The following PCED1B variants were observed in gnomAD, a reference collection of about 807,000 sequenced individuals.
PCED1B encodes PC-esterase domain-containing protein 1B.
For synonymous variants in PCED1B, 251 were observed against 246.1 expected, an observed-to-expected ratio of 1.02 and a Z score of -0.19; for missense variants, 573 against 573.9, an observed-to-expected ratio of 1.00 and a Z score of 0.02.
At chr12:47,096,913 G>A (rs963342728) in intron 1 of PCED1B, among the ~76,000 whole-genome samples, 1 of 152,186 alleles carries the variant, frequency 6.6e-6, no homozygotes, top group African/African-American at 2.4e-5. Context: ...ATGTAAGACT[G>A]TATAAGATTG....
intron 2 of PCED1B, among the ~76,000 whole-genome samples, chr12:47,210,997 G>A (rs1592289245): frequency 6.6e-6 from 1 of 152,160 alleles, no homozygotes; most frequent in African/African-American, 2.4e-5. Flanking sequence ...AATCGTATAT[G>A]CAAAGCAAAT....
intron 1 of PCED1B, among the ~76,000 whole-genome samples, chr12:47,096,618 T>C (rs1004670596): frequency 2.6e-5 from 4 of 152,192 alleles, no homozygotes; most frequent in Admixed American, 2.6e-4. Flanking sequence ...AATCTGGGCT[T>C]AGCAAGTCTG....
At chr12:47,108,302 G>C (rs1333161974) in intron 2 of PCED1B, among the ~76,000 whole-genome samples, 1 of 152,172 alleles carries the variant, frequency 6.6e-6, no homozygotes, top group East Asian at 1.9e-4. Context: ...TTTAGAAGCT[G>C]CCCATGCTCA....
At chr12:47,227,714 C>T (rs1943676253) in intron 3 of PCED1B, among the ~76,000 whole-genome samples, 1 of 151,872 alleles carries the variant, frequency 6.6e-6, no homozygotes, top group Non-Finnish European at 1.5e-5. Flanking sequence ...ATTAGCTGGG[C>T]ATGGTGGCAA....
At chr12:47,201,502 G>T (rs911210122) in intron 2 of PCED1B, among the ~76,000 whole-genome samples, 3 of 152,110 alleles carry the variant, frequency 2.0e-5, no homozygotes, top group Non-Finnish European at 4.4e-5. Context: ...TAAAGGAAAA[G>T]GGAGATTCTA....
At chr12:47,206,020 G>C (rs1158875139) in intron 2 of PCED1B, 1 of 152,218 alleles carries the variant, frequency 6.6e-6, no homozygotes, top group East Asian at 1.9e-4. Context: ...TGATTGGTTA[G>C]GGATGAAATC....
chr12:47,217,462 GAAAGAAAGAGAA>G, intron 3 of PCED1B, among the ~76,000 whole-genome samples: 1 of 70,482 alleles, frequency 1.4e-5, no homozygotes. Flanking sequence ...GAAAGAAAAA[GAAAGAAAGAGAA>G]AGAAAGAAAG....
At chr12:47,207,329 C>A (rs1942941596) in intron 2 of PCED1B, among the ~76,000 whole-genome samples, 1 of 152,122 alleles carries the variant, frequency 6.6e-6, no homozygotes, top group Non-Finnish European at 1.5e-5. Flanking sequence ...AAGGAGCTGG[C>A]AGCTGGGCTC....
chr12:47,112,922 C>T (rs975799202), intron 2 of PCED1B, among the ~76,000 whole-genome samples: 6 of 152,222 alleles, frequency 3.9e-5, no homozygotes, highest in Admixed American at 1.3e-4. Context: ...CTTGCACATA[C>T]GACTGCCCTG....
At chr12:47,153,723 T>C (rs1241970695) in intron 2 of PCED1B, among the ~76,000 whole-genome samples, 1 of 152,224 alleles carries the variant, frequency 6.6e-6, no homozygotes, top group Non-Finnish European at 1.5e-5. Context: ...AAATAATCAG[T>C]TTTATTCTAT....
At chr12:47,208,967 CA>C (rs1301702269) in intron 2 of PCED1B, 4 of 152,016 alleles carry the variant, frequency 2.6e-5, no homozygotes, top group Non-Finnish European at 5.9e-5. Context: ...AACTTAACAA[CA>C]ACAAAAACAA....
intron 3 of PCED1B, among the ~76,000 whole-genome samples, chr12:47,221,338 CTTTTTTTTT>C (rs63059763): frequency 1.4e-4 from 15 of 108,928 alleles, no homozygotes; most frequent in African/African-American, 4.4e-4. Flanking sequence ...CATCAAAATT[CTTTTTTTTT>C]TTTTTTTTTT....
chr12:47,140,964 C>T (rs1385313899), intron 2 of PCED1B, among the ~76,000 whole-genome samples: 1 of 152,184 alleles, frequency 6.6e-6, no homozygotes, highest in African/African-American at 2.4e-5. Context: ...ATTCTTGGTA[C>T]TTTCAGCTGA....
At chr12:47,106,397 C>A (rs1029316116) in intron 2 of PCED1B, among the ~76,000 whole-genome samples, 1 of 152,034 alleles carries the variant, frequency 6.6e-6, no homozygotes, top group Non-Finnish European at 1.5e-5. Flanking sequence ...GTTGAAGACA[C>A]CTTAGCCTAG....
chr12:47,180,044 C>T (rs1942045478), intron 2 of PCED1B, among the ~76,000 whole-genome samples: 1 of 152,062 alleles, frequency 6.6e-6, no homozygotes, highest in African/African-American at 2.4e-5. Flanking sequence ...AACCCATCAC[C>T]CAGGTATTAA....
chr12:47,093,949 T>C (rs2137185175), intron 1 of PCED1B, among the ~76,000 whole-genome samples: 1 of 152,254 alleles, frequency 6.6e-6, no homozygotes, highest in Middle Eastern at 3.4e-3. Context: ...ATATGTTAAC[T>C]GTGCTGTTTA....
intron 2 of PCED1B, among the ~76,000 whole-genome samples, chr12:47,145,622 A>T (rs766257869): frequency 3.3e-5 from 5 of 152,230 alleles, no homozygotes; most frequent in Non-Finnish European, 5.9e-5. Flanking sequence ...GGCTCTTAGG[A>T]ATAATGCTAA....
intron 3 of PCED1B, among the ~76,000 whole-genome samples, chr12:47,233,723 C>G (rs1226832609): frequency 6.6e-6 from 1 of 152,070 alleles, no homozygotes; most frequent in Non-Finnish European, 1.5e-5. Context: ...TGCCCTGATT[C>G]TAGGGCAGAT....
chr12:47,184,732 T>G (rs1168985091), intron 2 of PCED1B, among the ~76,000 whole-genome samples: 1 of 152,174 alleles, frequency 6.6e-6, no homozygotes, highest in Non-Finnish European at 1.5e-5. Context: ...TTTTAATTTT[T>G]TAAAAGTGGG....
Sources: gnomAD v4.1 joint callset for allele counts (sites outside exome capture counted in the v4.1 genomes callset) on GRCh38, gnomAD v4.1.1 for gene constraint, MANE v1.5 for transcripts, NCBI Gene and HGNC (gene_info 2026-07-23, HGNC 2026-07-21) for gene names.